The following KIF1A variants were observed in gnomAD, a reference collection of about 807,000 sequenced individuals.
The protein encoded by KIF1A is kinesin family member 1A, also known as kinesin-like protein KIF1A.
KIF1A carries 46 observed loss-of-function variants against 227.3 expected under a neutral mutation model. The observed-to-expected ratio is 0.20, with a 90% CI of 0.16 to 0.26. The LOEUF (loss-of-function observed/expected upper bound fraction) is 0.26. KIF1A is among the 10% of genes least tolerant of loss of function. The probability of loss-of-function intolerance (pLI) is 1.00; values close to 1 mark genes in which losing one functional copy is unlikely to be tolerated. For synonymous variants in KIF1A, 1,022 were observed against 1,012.8 expected, an observed-to-expected ratio of 1.01 and a Z score of -0.17; for missense variants, 1,683 against 2,485.9, an observed-to-expected ratio of 0.68 and a Z score of 6.87.
At chr2:240,780,666 C>T (rs569742652) in intron 10 of KIF1A, among the ~76,000 whole-genome samples, 30 of 151,984 alleles carry the variant, frequency 2.0e-4, no homozygotes, top group East Asian at 1.9e-3. Flanking sequence ...TCCTCGGGTT[C>T]CCACCACGGT....
chr2:240,767,699 C>A (rs1384103671), intron 17 of KIF1A, among the ~76,000 whole-genome samples: 1 of 152,244 alleles, frequency 6.6e-6, no homozygotes, highest in African/African-American at 2.4e-5. Flanking sequence ...TGGGGTGAGC[C>A]CCCAGATGTG....
chr2:240,784,055 C>T (rs550247820), intron 7 of KIF1A, among the ~76,000 whole-genome samples: 32 of 152,336 alleles, frequency 2.1e-4, no homozygotes, highest in Non-Finnish European at 3.8e-4. Context: ...CAGGGGAGCA[C>T]GGGCGCTGCC....
chr2:240,737,231 G>C, intron 37 of KIF1A, 63 bp from the exon 38 acceptor site: 1 of 1,318,664 alleles, frequency 7.6e-7, no homozygotes, highest in Non-Finnish European at 1.1e-6. Context: ...CTGGGGGGCT[G>C]CCTCAGGTGG....
intron 1 of KIF1A, among the ~76,000 whole-genome samples, chr2:240,808,067 C>T (rs1435217094): frequency 6.6e-6 from 1 of 152,176 alleles, no homozygotes; most frequent in Non-Finnish European, 1.5e-5. Context: ...ATGATAGGAA[C>T]ATTTCCTTTA....
rs76770519 is a variant in KIF1A at position 240,758,936 on chromosome 2, C to T, written c.2445-439G>A. Among the ~76,000 whole-genome samples the T allele has an allele frequency of 6.6e-6, 1 of 152,150 alleles. No homozygotes were observed. The highest frequency in any genetic ancestry group is 1.5e-5 in the Non-Finnish European group (1 of 68,034). On this transcript the variant is annotated intron_variant, in intron 25 of 48. Coordinates refer to ENST00000498729, the MANE Select transcript of KIF1A (RefSeq NM_001244008.2). The surrounding 1 kb of genome is among the most constrained non-coding windows in gnomAD (Gnocchi z 5.2). Reference sequence around the variant, plus strand: ...CACAGAAGACAGAGAAAATAGCCTACAAATTATTATTCCCAAGAAAAACTT... The same window carrying T: ...CACAGAAGACAGAGAAAATAGCCTATAAATTATTATTCCCAAGAAAAACTT...
At chr2:240,761,731 A>G (rs2050554167) in intron 23 of KIF1A, among the ~76,000 whole-genome samples, 1 of 152,232 alleles carries the variant, frequency 6.6e-6, no homozygotes, top group Non-Finnish European at 1.5e-5. Flanking sequence ...AGTGAGCAAC[A>G]TGAAAAGCTC....
intron 29 of KIF1A, 138 bp from the exon 30 acceptor site, chr2:240,746,315 CTG>C: frequency 1.0e-6 from 1 of 985,312 alleles, no homozygotes; most frequent in Non-Finnish European, 1.5e-6. Context: ...CGCACCAGAC[CTG>C]TGCCTGCCTT....
rs144732884 is a variant in KIF1A at position 240,744,679 on chromosome 2, G to C, written c.3466-619C>G. ...AGCCAAGGATAGAGGCCTAAGAAGG[G>C]GGCAATCCTGCCCACACCCTCATCC... is the stretch of plus-strand genomic sequence containing the variant. On this transcript the variant is annotated intron_variant, in intron 32 of 48. Transcript: ENST00000498729. Among the ~76,000 whole-genome samples the C allele has an allele frequency of 2.2e-3, 335 of 152,300 alleles. 1 individual carries two copies. Among genetic ancestry groups the C allele is most frequent in the African/African-American group, 7.7e-3 (322 of 41,556 alleles).
rs758316163 is a variant in KIF1A at position 240,757,339 on chromosome 2, G to A, written c.2838C>T (p.Pro946=). ...CCAACCTTCCTACTAAACTGAACAGGGGGGGCCGGTCGTAAAACGGGTCCC... is the reference window on the plus strand; with the variant it reads ...CCAACCTTCCTACTAAACTGAACAGAGGGGGCCGGTCGTAAAACGGGTCCC... ...DGRDPFYDRP[P]LFSLVGRAFV... Residue 946 remains proline (P), a synonymous_variant, in exon 27 of 49, where the codon CCC becomes CCT. Coordinates refer to ENST00000498729, the MANE Select transcript of KIF1A (RefSeq NM_001244008.2). The surrounding 1 kb of genome is among the most constrained non-coding windows in gnomAD (Gnocchi z 6.2). The A allele has an allele frequency of 1.6e-4, 255 of 1,550,704 alleles. No individual in the cohort carries two copies. The highest frequency in any genetic ancestry group is 2.0e-4 in the Non-Finnish European group (235 of 1,147,058).
intron 10 of KIF1A, chr2:240,782,191 G>A (rs2054132907): frequency 2.0e-6 from 2 of 985,292 alleles, no homozygotes; most frequent in South Asian, 4.7e-5. Flanking sequence ...CTGTGGCCCC[G>A]TCACGCCTAC....
At chr2:240,718,415 C>T (rs887110394) in intron 47 of KIF1A, among the ~76,000 whole-genome samples, 1 of 152,242 alleles carries the variant, frequency 6.6e-6, no homozygotes, top group Non-Finnish European at 1.5e-5. Context: ...ACGTGACTGC[C>T]CCTCATGGCC....
chr2:240,812,541 T>G (rs1249409957), intron 1 of KIF1A, among the ~76,000 whole-genome samples: 1 of 150,214 alleles, frequency 6.7e-6, no homozygotes, highest in African/African-American at 2.5e-5. Context: ...CACCTTCACC[T>G]CAGACATCTG....
At chr2:240,764,038 G>A (rs2050846368) in intron 20 of KIF1A, among the ~76,000 whole-genome samples, 2 of 152,202 alleles carry the variant, frequency 1.3e-5, no homozygotes, top group African/African-American at 2.4e-5. Flanking sequence ...ACTGTCTTGG[G>A]ACAGTCCTGC....
At chr2:240,750,987 C>T (rs1344717716) in intron 27 of KIF1A, among the ~76,000 whole-genome samples, 4 of 152,156 alleles carry the variant, frequency 2.6e-5, no homozygotes, top group Admixed American at 2.6e-4. Context: ...TGCTCACGGA[C>T]CCCGCAGAAC....
chr2:240,728,418 G>T (rs2046267775), intron 38 of KIF1A: 1 of 1,301,646 alleles, frequency 7.7e-7, no homozygotes, highest in Non-Finnish European at 1.0e-6. Flanking sequence ...AAACGCTAAA[G>T]GTGGAGGCAG....
Position 240,788,060 on chromosome 2 carries a change from G to A in KIF1A, c.354C>T (p.Ile118=), listed in dbSNP as rs2055178317. The A allele has an allele frequency of 7.5e-7, 1 of 1,331,220 alleles. No individual in the cohort carries two copies. 82.5% of individuals were successfully genotyped at this position (1,331,220 alleles called of 1,614,324 possible). ...GCCCCCCGCTTCGTGCCTGTGGGATGATGCCCTGCTGGTCCTTCTCCTGCT... is the reference window on the plus strand; with the variant it reads ...GCCCCCCGCTTCGTGCCTGTGGGATAATGCCCTGCTGGTCCTTCTCCTGCT... ...MGKQEKDQQG[I]IPQLCEDLFS... The change falls in exon 4 of 49, where the codon ATC becomes ATT. Residue 118 remains isoleucine (I), a synonymous_variant. Coordinates refer to ENST00000498729, the MANE Select transcript of KIF1A (RefSeq NM_001244008.2). This position sits in a 1 kb window ranked among gnomAD's most constrained non-coding sequence, Gnocchi z 6.6.
intron 27 of KIF1A, among the ~76,000 whole-genome samples, chr2:240,751,912 G>A (rs566138221): frequency 1.5e-4 from 23 of 152,210 alleles, no homozygotes; most frequent in African/African-American, 4.6e-4. Flanking sequence ...GTCACTGTCA[G>A]GACCTTCCCC....
Position 240,720,774 on chromosome 2 carries a change from C to CA in KIF1A, c.4868+139_4868+140insT, listed in dbSNP as rs530086506. 1.8e-4 allele frequency: 188 copies of CA among 1,046,684 alleles called. 1 individual carries two copies. The African/African-American group carries it at 2.8e-3, about 15-fold the overall frequency. 64.8% of individuals were successfully genotyped at this position (1,046,684 alleles called of 1,614,324 possible). ...GGCTGCGGACTCCACTCCTCCAGGCCCTTCCCTCAGCCTGTGGCCACCCCA... is the reference window on the plus strand; with the variant it reads ...GGCTGCGGACTCCACTCCTCCAGGCCACTTCCCTCAGCCTGTGGCCACCCCA... On this transcript the variant is annotated intron_variant, in intron 45 of 48. Transcript: ENST00000498729.
intron 42 of KIF1A, among the ~76,000 whole-genome samples, chr2:240,723,100 C>T (rs1050005172): frequency 7.2e-5 from 11 of 152,222 alleles, no homozygotes; most frequent in African/African-American, 1.9e-4. Flanking sequence ...TGATCAAAGC[C>T]GCAGAGGGCA....
Sources: allele counts gnomAD v4.1 joint callset (sites outside exome capture counted in the v4.1 genomes callset), GRCh38; gene constraint gnomAD v4.1.1; non-coding constraint Gnocchi (gnomAD v3.1); transcripts MANE v1.5; gene names NCBI Gene and HGNC (gene_info 2026-07-23, HGNC 2026-07-21).